NAT10: variants seen among roughly 807,000 people sequenced by gnomAD.
NAT10 encodes the protein RNA cytidine acetyltransferase.
NAT10 carries 109 observed loss-of-function variants against 132.2 expected under a neutral mutation model. The observed-to-expected ratio is 0.82, with a 90% CI of 0.71 to 0.97. The LOEUF is 0.97. Ranked by LOEUF, NAT10 falls within the 50% of genes least tolerant of loss-of-function variation. The pLI is 0.00. For synonymous variants in NAT10, 479 were observed against 478.0 expected, an observed-to-expected ratio of 1.00 and a Z score of -0.03; for missense variants, 1,184 against 1,263.4, an observed-to-expected ratio of 0.94 and a Z score of 0.95.
chr11:34,141,340 C>CACAG (rs1852325400), intron 25 of NAT10, 132 bp downstream of exon 25: 2 of 1,285,592 alleles, frequency 1.6e-6, no homozygotes, highest in Admixed American at 2.1e-5. Flanking sequence ...CACACACACA[C>CACAG]ACACACAAAT....
chr11:34,106,146 G>A (rs1213410152), intron 1 of NAT10: 1 of 152,378 alleles, frequency 6.6e-6, no homozygotes, highest in Non-Finnish European at 1.5e-5. Context: ...ATTATACTTA[G>A]GGTAATCTGA....
intron 21 of NAT10, chr11:34,138,873 A>G: frequency 3.3e-6 from 1 of 306,726 alleles, no homozygotes; most frequent in South Asian, 4.3e-5. Flanking sequence ...CATCTACCTG[A>G]GAGGAGCACA....
chr11:34,123,591 G>T (rs1851933601), intron 9 of NAT10, among the ~76,000 whole-genome samples, 171 bp from the exon 10 acceptor site: 1 of 152,252 alleles, frequency 6.6e-6, no homozygotes. Flanking sequence ...GTAGCTAAAT[G>T]TCTGGAGTTG....
intron 4 of NAT10, among the ~76,000 whole-genome samples, chr11:34,112,997 G>A (rs1033321570): frequency 2.6e-5 from 4 of 152,194 alleles, no homozygotes; most frequent in African/African-American, 9.7e-5. Flanking sequence ...AATATGGGTT[G>A]TCTCCTATAC....
intron 21 of NAT10, among the ~76,000 whole-genome samples, chr11:34,137,847 TG>T (rs1852245526): frequency 6.6e-6 from 1 of 151,818 alleles, no homozygotes; most frequent in Admixed American, 6.6e-5. Context: ...GGTGAAAAAG[TG>T]GGAATGGGAG....
Position 34,118,173 on chromosome 11 carries a change from A to G in NAT10, c.558-7A>G, listed in dbSNP as rs1851817817. On this transcript the variant is annotated splice_polypyrimidine_tract_variant and splice_region_variant and intron_variant, in intron 6 of 28. Transcript: ENST00000257829. ...CAACACTTCATTGCAGCGGTTTTGT[A>G]TCTCAGGTTTATTCTGTCTCTGGCC... is the stretch of plus-strand genomic sequence containing the variant. 2 of 1,607,860 alleles carry G rather than the reference A, an allele frequency of 1.2e-6. No individual in the cohort carries two copies. The highest frequency in any genetic ancestry group is 1.7e-6 in the Non-Finnish European group (2 of 1,174,372).
chr11:34,123,931 A>C (rs541468253), intron 10 of NAT10, 76 bp downstream of exon 10: 64 of 1,186,316 alleles, frequency 5.4e-5, no homozygotes, highest in Non-Finnish European at 8.0e-5. Flanking sequence ...GCACTTTGGG[A>C]GGCCGACGCG....
At position 34,134,497 on chromosome 11, in the gene NAT10, G is replaced by T; in HGVS notation, c.1837-15G>T. ...GTCTGTGTTGCTAAGTTACTGGTTT[G>T]TGTCTCCCACACAGTTCCAAGATCC... On this transcript the variant is annotated splice_polypyrimidine_tract_variant and intron_variant, in intron 17 of 28. Transcript: ENST00000257829. 1 of 1,614,178 alleles carries T rather than the reference G, an allele frequency of 6.2e-7. No individual in the cohort carries two copies. Among genetic ancestry groups the T allele is most frequent in the Non-Finnish European group, 8.5e-7 (1 of 1,180,010 alleles).
intron 11 of NAT10, 23 bp downstream of exon 11, chr11:34,124,423 G>A: frequency 6.5e-7 from 1 of 1,542,252 alleles, no homozygotes; most frequent in Non-Finnish European, 9.0e-7. Context: ...CTCAGACCCT[G>A]ATGTGCAGGG....
At chr11:34,128,955 C>T (rs2957514) in intron 12 of NAT10, among the ~76,000 whole-genome samples, 124,992 of 152,190 alleles carry the variant, frequency 0.82, 52,985 homozygotes, top group East Asian at 1. Context: ...CCATGACTGA[C>T]TTGTAGCATG....
In NAT10 at chr11:34,131,518, G is replaced by A. The variant is rs776480746; in HGVS notation, c.1507G>A (p.Glu503Lys). 2.2e-5 allele frequency: 36 copies of A among 1,613,726 alleles called. No individual in the cohort carries two copies. The highest frequency in any genetic ancestry group is 2.8e-5 in the Non-Finnish European group (33 of 1,179,894). Residue 503 changes from glutamate (E) to lysine (K), a missense_variant, in exon 14 of 29, where the codon GAA (glutamate) becomes AAA (lysine). Transcript: ENST00000257829. ...TRIVSGCPLP[E>K]ACELYYVNRD... ...GATAGTCTCAGGCTGCCCCTTGCCT[G>A]AAGCTTGTGAACTGTATCCTCCTCT...
chr11:34,142,337 G>A lies in NAT10; in HGVS notation c.2874G>A (p.Met958Ile). ...AGGAAGTAGGGAAGCTGAAGAGCAT[G>A]GACCTCTCTGAGTAAGGCTTGTGGG... ...HKKEVGKLKS[M>I]DLSEYIIRGD... Residue 958 changes from methionine (M) to isoleucine (I), a missense_variant, in exon 27 of 29, where the codon ATG becomes ATA. Physicochemically the swap from Met to Ile is conservative, Grantham distance 10. Coordinates refer to ENST00000257829, the MANE Select transcript of NAT10 (RefSeq NM_024662.3). 4 of 1,614,086 alleles carry A rather than the reference G, an allele frequency of 2.5e-6. No individual in the cohort carries two copies. Among genetic ancestry groups the A allele is most frequent in the Non-Finnish European group, 2.5e-6 (3 of 1,179,968 alleles).
At chr11:34,130,573 G>T (rs1443377608) in intron 12 of NAT10, among the ~76,000 whole-genome samples, 1 of 152,204 alleles carries the variant, frequency 6.6e-6, no homozygotes, top group African/African-American at 2.4e-5. Flanking sequence ...CTTGCCCAAA[G>T]ATACTAAGTA....
At chr11:34,126,787 TTTCAAACCAC>T (rs1274237466) in intron 11 of NAT10, among the ~76,000 whole-genome samples, 6 of 152,256 alleles carry the variant, frequency 3.9e-5, no homozygotes, top group Non-Finnish European at 8.8e-5. Context: ...CTTCATTGCT[TTTCAAACCAC>T]TTTAAAATTA....
At chr11:34,134,946 C>A (rs1037588232) in intron 18 of NAT10, among the ~76,000 whole-genome samples, 1 of 152,252 alleles carries the variant, frequency 6.6e-6, no homozygotes, top group African/African-American at 2.4e-5. Context: ...TCCTTACCCT[C>A]AAGTGGCTGT....
At chr11:34,125,100 A>G (rs1425729558) in intron 11 of NAT10, among the ~76,000 whole-genome samples, 1 of 152,260 alleles carries the variant, frequency 6.6e-6, no homozygotes, top group Admixed American at 6.5e-5. Flanking sequence ...ATGTATATGC[A>G]TGTCAAGAAG....
chr11:34,146,099 G>A lies in NAT10; in HGVS notation c.2985G>A (p.Lys995=). The change falls in exon 29 of 29, where the codon AAG becomes AAA. Residue 995 remains lysine (K), a synonymous_variant. Transcript: ENST00000257829. ...IISLKSDKKR[K]LEAKQEPKQS... is the part of the protein sequence containing the mutation. ...TTTTCTCTAGTGACAAGAAAAGGAA[G>A]TTAGAGGCCAAACAAGAACCCAAAC... The A allele has an allele frequency of 6.2e-7, 1 of 1,606,342 alleles. No individual in the cohort carries two copies. Among genetic ancestry groups the A allele is most frequent in the Non-Finnish European group, 8.5e-7 (1 of 1,177,316 alleles).
intron 12 of NAT10, among the ~76,000 whole-genome samples, chr11:34,130,382 G>C (rs944816783): frequency 6.6e-6 from 1 of 152,182 alleles, no homozygotes; most frequent in African/African-American, 2.4e-5. Context: ...ACTTCTAAAA[G>C]CAGCTCCGTT....
rs370205958 is a variant in NAT10, at chr11:34,122,568, C to T, written c.890C>T (p.Ala297Val). 1.9e-5 allele frequency: 31 copies of T among 1,613,986 alleles called. 1 individual carries two copies. The highest frequency in any genetic ancestry group is 4.5e-5 in the East Asian group (2 of 44,894). ...GGAAAATCTGCAGCCCTGGGATTGG[C>T]GATTGCTGGGGCGGTGGCATTTGGG... The part of the protein sequence containing the change: ...GRGKSAALGL[A>V]IAGAVAFGYS... Residue 297 changes from alanine (A) to valine (V), a missense_variant, in exon 9 of 29, where the codon GCG becomes GTG. Ala to Val is a moderately conservative substitution (Grantham distance 64). Coordinates refer to ENST00000257829, the MANE Select transcript of NAT10 (RefSeq NM_024662.3).
Sources: gnomAD v4.1 joint callset for allele counts (sites outside exome capture counted in the v4.1 genomes callset) on GRCh38, gnomAD v4.1.1 for gene constraint, MANE v1.5 for transcripts, NCBI Gene and HGNC (gene_info 2026-07-23, HGNC 2026-07-21) for gene names.